HSD17B4: variants seen among roughly 807,000 people sequenced by gnomAD.
HSD17B4 encodes the protein peroxisomal multifunctional enzyme type 2.
Under a neutral mutation model 101.0 loss-of-function variants are expected in HSD17B4, and 70 were observed. The ratio of observed to expected loss-of-function variants is 0.69; its 90% CI spans 0.57 to 0.85. HSD17B4 has a LOEUF of 0.85. Ranked by LOEUF, HSD17B4 falls within the 40% of genes least tolerant of loss-of-function variation. The probability of loss-of-function intolerance (pLI) is 0.00; values close to 1 mark genes in which losing one functional copy is unlikely to be tolerated. For missense variants in HSD17B4, 984 were observed against 892.4 expected, an observed-to-expected ratio of 1.10 and a Z score of -1.31; for synonymous variants, 347 against 297.1, an observed-to-expected ratio of 1.17 and a Z score of -1.73.
intron 8 of HSD17B4, among the ~76,000 whole-genome samples, chr5:119,479,857 G>C (rs1256954729): frequency 6.6e-6 from 1 of 152,110 alleles, no homozygotes; most frequent in Non-Finnish European, 1.5e-5. Flanking sequence ...ATACCATGGA[G>C]TGTGATTGCT....
At position 119,475,726 on chromosome 5, in the gene HSD17B4, G is replaced by A. The variant is rs886042726; in HGVS notation, c.301G>A (p.Gly101Arg). 3 of 1,597,780 alleles carry A rather than the reference G, an allele frequency of 1.9e-6. No individual in the cohort carries two copies. In the South Asian group the frequency reaches 3.3e-5, roughly 18 times the overall value. Residue 101 changes from glycine to arginine, a missense_variant and splice_region_variant, in exon 5 of 24, where the codon GGA becomes AGA. Gly to Arg is a moderately radical substitution (Grantham distance 125). Transcript: ENST00000510025. The part of the protein sequence containing the change: ...GRIDVVVNNA[G>R]ILRDRSFARI... Reference sequence around the variant, plus strand: ...TGTAGATGTTGTGGTCAACAATGCTGGGTGAGTATTTCTTTTTCATTTTTA... The same window carrying A: ...TGTAGATGTTGTGGTCAACAATGCTAGGTGAGTATTTCTTTTTCATTTTTA...
Position 119,531,389 on chromosome 5 carries a change from A to G in HSD17B4, c.1978A>G (p.Ile660Val). The G allele has an allele frequency of 6.2e-7, 1 of 1,613,412 alleles. No individual in the cohort carries two copies. The highest frequency in any genetic ancestry group is 8.5e-7 in the Non-Finnish European group (1 of 1,179,462). The part of the protein sequence containing the change: ...FEWHITKGGN[I>V]GAKWTIDLKS... Reference sequence around the variant, plus strand: ...GTGGCATATAACCAAAGGCGGAAATATTGGGGCTAAGTGGAGTAAGTTATA... The same window carrying G: ...GTGGCATATAACCAAAGGCGGAAATGTTGGGGCTAAGTGGAGTAAGTTATA... Residue 660 changes from isoleucine to valine, a missense_variant, in exon 22 of 24, where the codon ATT becomes GTT. Ile to Val is a conservative substitution (Grantham distance 29, BLOSUM62 3). Coordinates refer to ENST00000510025, the MANE Select transcript of HSD17B4 (RefSeq NM_000414.4).
At position 119,452,585 on chromosome 5, in the gene HSD17B4, C is replaced by T. The variant is rs1240164226; in HGVS notation, c.10C>T (p.Pro4Ser). ...GTTGCAGGCCTTATTCATGGGCTCA[C>T]CGCTGAGGTTCGACGGGCGGGTGGT... MGSPLRFDGRVVLV... is the reference protein window; with the variant it reads MGSSLRFDGRVVLV... Residue 4 changes from proline (P) to serine (S), a missense_variant, in exon 1 of 24, where the codon CCG becomes TCG. Physicochemically the swap from Pro to Ser is moderately conservative, Grantham distance 74. Coordinates refer to ENST00000510025, the MANE Select transcript of HSD17B4 (RefSeq NM_000414.4). 1 of 1,614,060 alleles carries T rather than the reference C, an allele frequency of 6.2e-7. No individual in the cohort carries two copies. Among genetic ancestry groups the T allele is most frequent in the Non-Finnish European group, 8.5e-7 (1 of 1,179,996 alleles).
chr5:119,540,553 C>G (rs900376171), intron 23 of HSD17B4, among the ~76,000 whole-genome samples: 1 of 152,128 alleles, frequency 6.6e-6, no homozygotes, highest in African/African-American at 2.4e-5. Context: ...AGTACTGACT[C>G]CTTCCCTGCA....
intron 16 of HSD17B4, among the ~76,000 whole-genome samples, chr5:119,514,760 C>T (rs971763058): frequency 3.3e-5 from 5 of 152,110 alleles, no homozygotes; most frequent in African/African-American, 1.2e-4. Flanking sequence ...TAATTCTTTA[C>T]ATTTAGAAAG....
intron 23 of HSD17B4, 100 bp from the exon 24 acceptor site, chr5:119,541,805 A>T: frequency 1.4e-6 from 1 of 737,366 alleles, no homozygotes; most frequent in Non-Finnish European, 2.4e-6. Flanking sequence ...CAGAATTATT[A>T]GCTCAATTGT....
At chr5:119,479,806 G>A (rs1748951208) in intron 8 of HSD17B4, among the ~76,000 whole-genome samples, 1 of 152,142 alleles carries the variant, frequency 6.6e-6, no homozygotes, top group South Asian at 2.1e-4. Flanking sequence ...AAGCATTCAT[G>A]TGCAGGTTTT....
intron 2 of HSD17B4, among the ~76,000 whole-genome samples, chr5:119,465,018 A>G (rs1401353672): frequency 7.1e-6 from 1 of 141,578 alleles, no homozygotes; most frequent in South Asian, 2.2e-4. Flanking sequence ...GAATTTTAGG[A>G]TTTTTTTTTT....
intron 19 of HSD17B4, among the ~76,000 whole-genome samples, chr5:119,526,488 A>G (rs1753611795): frequency 6.6e-6 from 1 of 151,962 alleles, no homozygotes. Context: ...ATAAATAACA[A>G]GGAAAAATAT....
At chr5:119,462,120 A>G (rs987981935) in intron 2 of HSD17B4, among the ~76,000 whole-genome samples, 1 of 152,120 alleles carries the variant, frequency 6.6e-6, no homozygotes, top group Admixed American at 6.5e-5. Flanking sequence ...GAACATTTTG[A>G]TAGTTTCAGC....
At chr5:119,515,761 C>T (rs1471813537) in intron 17 of HSD17B4, among the ~76,000 whole-genome samples, 1 of 152,130 alleles carries the variant, frequency 6.6e-6, no homozygotes, top group African/African-American at 2.4e-5. Context: ...TGGAGTAACG[C>T]AGTGTGTGTG....
At chr5:119,515,070 G>T in intron 17 of HSD17B4, 24 bp downstream of exon 17, 1 of 1,349,746 alleles carries the variant, frequency 7.4e-7, no homozygotes, top group South Asian at 1.2e-5. Context: ...TTTGAAAAAT[G>T]ATAAATCCAC....
intron 13 of HSD17B4, 69 bp downstream of exon 13, chr5:119,499,622 T>C: frequency 1.2e-6 from 1 of 844,244 alleles, no homozygotes; most frequent in East Asian, 2.4e-5. Flanking sequence ...ATGTCATATC[T>C]TATATATATG....
rs368231734 is a variant in HSD17B4 at position 119,513,026 on chromosome 5, A to G, written c.1438-1955A>G. Among the ~76,000 whole-genome samples, 137 of 152,346 alleles carry G rather than the reference A, an allele frequency of 9.0e-4. 1 individual carries two copies. The highest frequency in any genetic ancestry group is 3.4e-3 in the Middle Eastern group (1 of 294). ...TGAAAAATTAGTATTGATCAATACTATATGAAAACAATGTCCTGGGCCCGC... is the reference window on the plus strand; with the variant it reads ...TGAAAAATTAGTATTGATCAATACTGTATGAAAACAATGTCCTGGGCCCGC... On this transcript the variant is annotated intron_variant, in intron 16 of 23. Coordinates refer to ENST00000510025, the MANE Select transcript of HSD17B4 (RefSeq NM_000414.4).
rs958986994 is a variant in HSD17B4, at chr5:119,496,585, C to T, written c.911C>T (p.Ser304Leu). 2.5e-6 allele frequency: 4 copies of T among 1,603,360 alleles called. No individual in the cohort carries two copies. The highest frequency in any genetic ancestry group is 3.4e-6 in the Non-Finnish European group (4 of 1,170,508). The change falls in exon 12 of 24, where the codon TCA becomes TTA. Residue 304 changes from serine to leucine, a missense_variant. Ser to Leu is a moderately radical substitution (Grantham distance 145). Coordinates refer to ENST00000510025, the MANE Select transcript of HSD17B4 (RefSeq NM_000414.4). ...ATTGAAGTTCTGAGTAAAATAGATT[C>T]AGAAGGAGGAGTTTCAGCAAATCAT... ...SIIEVLSKID[S>L]EGGVSANHTS...
chr5:119,452,851 T>A, intron 1 of HSD17B4: 10 of 1,535,488 alleles, frequency 6.5e-6, no homozygotes, highest in Non-Finnish European at 8.7e-6. Context: ...AGCACCCCGG[T>A]GTGGGCTTCC....
rs1405401069 is a variant in HSD17B4 at position 119,479,009 on chromosome 5, G to A, written c.610G>A (p.Val204Ile). Residue 204 changes from valine to isoleucine, a missense_variant, in exon 8 of 24, where the codon GTT becomes ATT. By Grantham distance (29) the Val-to-Ile change is conservative (BLOSUM62 3). Transcript: ENST00000510025. ...PNAGSRMTQTVMPEDLVEALK... is the reference protein window; with the variant it reads ...PNAGSRMTQTIMPEDLVEALK... ...TGCGGGATCACGGATGACTCAGACA[G>A]TTATGCCTGAAGGTAAGTAAGCAAG... is the stretch of plus-strand genomic sequence containing the variant. 8 of 1,611,936 alleles carry A rather than the reference G, an allele frequency of 5.0e-6. No individual in the cohort carries two copies. The highest frequency in any genetic ancestry group is 4.0e-5 in the African/African-American group (3 of 74,850).
At chr5:119,479,118 T>A in intron 8 of HSD17B4, 97 bp downstream of exon 8, 1 of 923,120 alleles carries the variant, frequency 1.1e-6, no homozygotes, top group Non-Finnish European at 1.7e-6. Flanking sequence ...ACTTAAAAAT[T>A]ATTATTTTTT....
chr5:119,491,857 G>A (rs1750135557), intron 9 of HSD17B4, among the ~76,000 whole-genome samples: 1 of 152,112 alleles, frequency 6.6e-6, no homozygotes, highest in Non-Finnish European at 1.5e-5. Context: ...TCTGACATCA[G>A]ATTCATTCTT....
Sources: gnomAD v4.1 joint callset for allele counts (sites outside exome capture counted in the v4.1 genomes callset) on GRCh38, gnomAD v4.1.1 for gene constraint, MANE v1.5 for transcripts, NCBI Gene and HGNC (gene_info 2026-07-23, HGNC 2026-07-21) for gene names.